Variants in YTHDF1 observed in about 807,000 individuals in gnomAD.
YTHDF1 encodes the protein YTH domain-containing family protein 1.
In YTHDF1, 16 loss-of-function variants were observed where a neutral mutation model predicts 49.1. That is an observed-to-expected ratio of 0.33 (90% CI 0.22 to 0.49). YTHDF1 has a LOEUF of 0.49. Among genes scored for constraint, YTHDF1 ranks in the 20% least tolerant of loss-of-function variants. The pLI is 0.99. For missense variants in YTHDF1, 621 were observed against 744.3 expected (o/e 0.83, Z 1.93); for synonymous variants, 313 against 290.1 (o/e 1.08, Z -0.80).
At chr20:63,209,250 C>CT (rs1248297136) in intron 3 of YTHDF1, among the ~76,000 whole-genome samples, 1 of 152,244 alleles carries the variant, frequency 6.6e-6, no homozygotes, top group Non-Finnish European at 1.5e-5. Context: ...ACACCGTCCA[C>CT]TTAACACTAC....
At chr20:63,212,412 G>A (rs1208650435) in intron 3 of YTHDF1, among the ~76,000 whole-genome samples, 2 of 152,244 alleles carry the variant, frequency 1.3e-5, no homozygotes, top group East Asian at 1.9e-4. Flanking sequence ...CAGAGAAGAG[G>A]TGAAGCCTGG....
At chr20:63,215,840 C>A (rs1405658555) in intron 1 of YTHDF1, 26 bp downstream of exon 1, 2 of 1,456,830 alleles carry the variant, frequency 1.4e-6, no homozygotes, top group Non-Finnish European at 1.8e-6. Context: ...GCCCCGGCCG[C>A]GGCCCCTGTA....
chr20:63,204,884 G>A (rs956232307), intron 3 of YTHDF1, among the ~76,000 whole-genome samples: 81 of 151,998 alleles, frequency 5.3e-4, no homozygotes, highest in African/African-American at 1.8e-3. Flanking sequence ...AATGACTTTC[G>A]TGTGAGGTGT....
chr20:63,202,863 G>C lies in YTHDF1; in HGVS notation c.1077C>G (p.Ala359=). The change falls in exon 4 of 5, where the codon GCC becomes GCG. Residue 359 remains alanine, a synonymous_variant. Coordinates refer to ENST00000370339, the MANE Select transcript of YTHDF1 (RefSeq NM_017798.4). ...GGACGGGGTGGGATTCGACGCTGGG[G>C]GCAGAATTAGGCTGGACGTTTCCAG... ...NSPGNVQPNS[A]PSVESHPVLE... The C allele has an allele frequency of 6.2e-7, 1 of 1,613,938 alleles. No individual in the cohort carries two copies. The highest frequency in any genetic ancestry group is 8.5e-7 in the Non-Finnish European group (1 of 1,180,052).
intron 3 of YTHDF1, among the ~76,000 whole-genome samples, chr20:63,212,708 G>A (rs540454971): frequency 6.6e-6 from 1 of 152,294 alleles, no homozygotes; most frequent in Non-Finnish European, 1.5e-5. Context: ...GCAGCACAGA[G>A]GAGAGAGAGC....
intron 3 of YTHDF1, among the ~76,000 whole-genome samples, chr20:63,210,944 T>A (rs922781684): frequency 1.3e-5 from 2 of 152,154 alleles, no homozygotes; most frequent in Non-Finnish European, 2.9e-5. Context: ...CAACTAGGAC[T>A]GAAACTCTAG....
chr20:63,197,818 TAAAG>T (rs1313638122), intron 4 of YTHDF1, among the ~76,000 whole-genome samples: 2 of 152,060 alleles, frequency 1.3e-5, no homozygotes, highest in East Asian at 1.9e-4. Flanking sequence ...TGCAAACTAA[TAAAG>T]AAAACCAGCG....
At chr20:63,214,069 G>A in intron 2 of YTHDF1, 126 bp from the exon 3 acceptor site, 2 of 1,431,932 alleles carry the variant, frequency 1.4e-6, no homozygotes, top group Non-Finnish European at 1.8e-6. Context: ...ATTTTAAAAG[G>A]AGTACAACCA....
chr20:63,211,204 C>T (rs1480719822), intron 3 of YTHDF1, among the ~76,000 whole-genome samples: 1 of 152,218 alleles, frequency 6.6e-6, no homozygotes, highest in Admixed American at 6.5e-5. Flanking sequence ...GTGGCTCATG[C>T]CTATAATCCT....
chr20:63,201,877 C>T (rs2066518959), intron 4 of YTHDF1, among the ~76,000 whole-genome samples: 1 of 152,246 alleles, frequency 6.6e-6, no homozygotes, highest in African/African-American at 2.4e-5. Flanking sequence ...CACCGCAGTG[C>T]TTCGTGAATA....
chr20:63,203,345 C>T lies in YTHDF1; in HGVS notation c.595G>A (p.Ala199Thr), dbSNP rs755237591. The T allele has an allele frequency of 2.7e-5, 44 of 1,613,060 alleles. 1 individual carries two copies. Among genetic ancestry groups the T allele is most frequent in the South Asian group, 1.5e-4 (14 of 91,076 alleles). Residue 199 changes from alanine to threonine, a missense_variant, in exon 4 of 5, where the codon GCC (alanine) becomes ACC (threonine). Transcript: ENST00000370339. The surrounding 1 kb of genome is among the most constrained non-coding windows in gnomAD (Gnocchi z 4.4). ...GLKIGDVSSS[A>T]VKTVGSVVSS... ...ACGACAGAGCCCACCGTCTTGACGG[C>T]GGAGGAGCTGACGTCCCCAATCTTC...
intron 4 of YTHDF1, among the ~76,000 whole-genome samples, chr20:63,199,346 C>G (rs112880654): frequency 0.024 from 3,693 of 152,072 alleles, 118 homozygotes; most frequent in African/African-American, 0.07. Flanking sequence ...GGTGAAACCC[C>G]ATCTCTACTA....
intron 3 of YTHDF1, 128 bp downstream of exon 3, chr20:63,213,736 T>C (rs1040839889): frequency 1.2e-6 from 1 of 810,066 alleles, no homozygotes; most frequent in Non-Finnish European, 1.9e-6. Context: ...GAGCAGTCTA[T>C]CATTCCTAAT....
chr20:63,210,059 T>C (rs540719124), intron 3 of YTHDF1, among the ~76,000 whole-genome samples: 1 of 152,334 alleles, frequency 6.6e-6, no homozygotes, highest in African/African-American at 2.4e-5. Flanking sequence ...TACTCTGGTA[T>C]GACTGGGGCA....
At chr20:63,208,746 T>G (rs1194505933) in intron 3 of YTHDF1, among the ~76,000 whole-genome samples, 1 of 152,192 alleles carries the variant, frequency 6.6e-6, no homozygotes, top group East Asian at 1.9e-4. Flanking sequence ...AAACTGACAC[T>G]CCCCTGCTGG....
In YTHDF1 at chr20:63,202,911, C is replaced by T; in HGVS notation, c.1029G>A (p.Gly343=). Residue 343 remains glycine, a synonymous_variant, in exon 4 of 5, where the codon GGG becomes GGA. Transcript: ENST00000370339. Reference sequence around the variant, plus strand: ...CAGGAGAGTTGCTATCGCTGCCAGCCCCTCCGCTCTGCCCAAACGCCGCGT... The same window carrying T: ...CAGGAGAGTTGCTATCGCTGCCAGCTCCTCCGCTCTGCCCAAACGCCGCGT... The part of the protein sequence containing the change: ...NRNAAFGQSG[G]AGSDSNSPGN... 1 of 1,614,038 alleles carries T rather than the reference C, an allele frequency of 6.2e-7. No individual in the cohort carries two copies. Among genetic ancestry groups the T allele is most frequent in the Non-Finnish European group, 8.5e-7 (1 of 1,180,056 alleles).
intron 4 of YTHDF1, among the ~76,000 whole-genome samples, chr20:63,199,666 C>CT (rs1391144943): frequency 1.3e-5 from 2 of 152,204 alleles, no homozygotes; most frequent in African/African-American, 4.8e-5. Context: ...AGCACAAGGC[C>CT]TAGAGCACCT....
intron 3 of YTHDF1, among the ~76,000 whole-genome samples, chr20:63,204,186 G>A (rs1222194953): frequency 6.6e-6 from 1 of 152,218 alleles, no homozygotes; most frequent in Non-Finnish European, 1.5e-5. Flanking sequence ...GACACGGACG[G>A]CATCATGGGA....
rs762600167 is a variant in YTHDF1 at position 63,202,731 on chromosome 20, G to C, written c.1209C>G (p.His403Gln). ...IIKSYSEDDI[H>Q]RSIKYSIWCS... is the part of the protein sequence containing the mutation. The stretch of plus-strand genomic sequence containing the variant: ...ACCAGATGGAGTACTTAATGGAGCG[G>C]TGGATGTCGTCCTCAGAGTAGCTCT... The change falls in exon 4 of 5, where the codon CAC (histidine) becomes CAG (glutamine). Residue 403 changes from histidine (H) to glutamine (Q), a missense_variant. This residue lies in a region of YTHDF1 where 151 missense variants were observed against 248.5 expected (regional missense o/e 0.61). Coordinates refer to ENST00000370339, the MANE Select transcript of YTHDF1 (RefSeq NM_017798.4). 3.1e-6 allele frequency: 5 copies of C among 1,614,216 alleles called. No homozygotes were observed. The highest frequency in any genetic ancestry group is 4.2e-6 in the Non-Finnish European group (5 of 1,180,054).
Sources: gnomAD v4.1 joint callset for allele counts (sites outside exome capture counted in the v4.1 genomes callset) on GRCh38, gnomAD v4.1.1 for gene constraint, gnomAD v4.1.1 regional missense constraint, Gnocchi (gnomAD v3.1) non-coding constraint, MANE v1.5 for transcripts, NCBI Gene and HGNC (gene_info 2026-07-23, HGNC 2026-07-21) for gene names.